The following ATF6 variants were observed in gnomAD, a reference collection of about 807,000 sequenced individuals.
ATF6 encodes the protein activating transcription factor 6.
Under a neutral mutation model 83.6 loss-of-function variants are expected in ATF6, and 53 were observed. That is an observed-to-expected ratio of 0.63 (90% CI 0.51 to 0.80). ATF6 has a LOEUF of 0.80. ATF6 is among the 30% of genes least tolerant of loss of function. ATF6 has a pLI of 0.00. For missense variants in ATF6, 744 were observed against 797.9 expected, an observed-to-expected ratio of 0.93 and a Z score of 0.81; for synonymous variants, 288 against 285.8, an observed-to-expected ratio of 1.01 and a Z score of -0.08.
At chr1:161,924,191 A>G (rs910346002) in intron 15 of ATF6, among the ~76,000 whole-genome samples, 1 of 152,136 alleles carries the variant, frequency 6.6e-6, no homozygotes, top group South Asian at 2.1e-4. Flanking sequence ...AACTGGAAAC[A>G]TTGGGGATCA....
chr1:161,769,940 C>G (rs1004547999), intron 1 of ATF6, among the ~76,000 whole-genome samples: 5 of 152,128 alleles, frequency 3.3e-5, no homozygotes, highest in African/African-American at 4.8e-5. Flanking sequence ...TGCTGTGTGG[C>G]CTGGTTCCCA....
In ATF6 at chr1:161,792,238, C is replaced by A. The variant is rs572255096; in HGVS notation, c.599C>A (p.Ala200Glu). Residue 200 changes from alanine to glutamate, a missense_variant, in exon 6 of 16, where the codon GCA becomes GAA. Coordinates refer to ENST00000367942, the MANE Select transcript of ATF6 (RefSeq NM_007348.4). ...ACTCAAACAAACTCCAGTGTTCCAG[C>A]AAAAACCATCATTATTCAGACAGTA... ...PKTQTNSSVP[A>E]KTIIIQTVPT... 6.2e-7 allele frequency: 1 copy of A among 1,614,130 alleles called. No individual in the cohort carries two copies. The highest frequency in any genetic ancestry group is 1.1e-5 in the South Asian group (1 of 91,078).
chr1:161,820,282 C>G (rs1267721919), intron 8 of ATF6, among the ~76,000 whole-genome samples: 1 of 152,206 alleles, frequency 6.6e-6, no homozygotes, highest in Non-Finnish European at 1.5e-5. Flanking sequence ...GAATTTCTCA[C>G]TGCAGTGCTG....
intron 12 of ATF6, among the ~76,000 whole-genome samples, chr1:161,853,844 G>A (rs1029012414): frequency 2.6e-5 from 4 of 152,102 alleles, no homozygotes; most frequent in Non-Finnish European, 4.4e-5. Context: ...AAGTCATTCC[G>A]TCATTCATCA....
At chr1:161,825,112 G>T (rs1685861081) in intron 9 of ATF6, among the ~76,000 whole-genome samples, 1 of 152,032 alleles carries the variant, frequency 6.6e-6, no homozygotes. Flanking sequence ...GTCTTGCTCT[G>T]TTGCCCAGGC....
intron 6 of ATF6, among the ~76,000 whole-genome samples, chr1:161,800,415 A>G (rs185252056): frequency 1.3e-5 from 2 of 152,346 alleles, no homozygotes; most frequent in Admixed American, 6.5e-5. Flanking sequence ...AGTTGTCACT[A>G]TCTCCTGTGG....
intron 9 of ATF6, 150 bp from the exon 10 acceptor site, chr1:161,846,299 G>A (rs1686484321): frequency 1.3e-6 from 1 of 752,414 alleles, no homozygotes; most frequent in Non-Finnish European, 2.0e-6. Context: ...AACACCTTCA[G>A]TACCCTATTT....
chr1:161,818,832 G>A (rs1471683604), intron 7 of ATF6, among the ~76,000 whole-genome samples: 2 of 152,180 alleles, frequency 1.3e-5, no homozygotes, highest in East Asian at 3.8e-4. Context: ...AAGATGGGTA[G>A]CAGGGATACA....
chr1:161,784,744 A>G (rs555385530), intron 4 of ATF6, among the ~76,000 whole-genome samples: 1 of 152,308 alleles, frequency 6.6e-6, no homozygotes, highest in Admixed American at 6.5e-5. Context: ...TGCAGGCTCT[A>G]CATTTAGTTA....
At chr1:161,844,774 C>T (rs1686442816) in intron 9 of ATF6, among the ~76,000 whole-genome samples, 1 of 152,190 alleles carries the variant, frequency 6.6e-6, no homozygotes, top group Middle Eastern at 3.4e-3. Flanking sequence ...TAGTTGTCAT[C>T]ACACTCTTCA....
intron 15 of ATF6, among the ~76,000 whole-genome samples, chr1:161,932,753 A>G (rs979152975): frequency 6.6e-6 from 1 of 152,202 alleles, no homozygotes; most frequent in African/African-American, 2.4e-5. Context: ...TAGGTCTCTC[A>G]TGAGGTTTAA....
chr1:161,776,134 A>G (rs1453651296), intron 1 of ATF6, among the ~76,000 whole-genome samples: 1 of 152,194 alleles, frequency 6.6e-6, no homozygotes, highest in African/African-American at 2.4e-5. Flanking sequence ...CAATTATTTT[A>G]GTAAAAGGCA....
At chr1:161,952,270 G>A (rs1158304448) in intron 15 of ATF6, among the ~76,000 whole-genome samples, 1 of 151,972 alleles carries the variant, frequency 6.6e-6, no homozygotes, top group Admixed American at 6.6e-5. Context: ...CTGCTTGCCA[G>A]TCCTCTCCAC....
intron 14 of ATF6, among the ~76,000 whole-genome samples, chr1:161,877,974 A>T (rs1054728010): frequency 6.6e-6 from 1 of 152,094 alleles, no homozygotes; most frequent in Non-Finnish European, 1.5e-5. Context: ...ATAAATGTGG[A>T]GAGTTATTTT....
At chr1:161,820,688 C>T (rs553546313) in intron 8 of ATF6, among the ~76,000 whole-genome samples, 2 of 152,012 alleles carry the variant, frequency 1.3e-5, no homozygotes, top group African/African-American at 4.8e-5. Flanking sequence ...GCGGAGATTG[C>T]GGTGATCCGA....
chr1:161,915,427 T>C (rs967331988), intron 15 of ATF6, among the ~76,000 whole-genome samples: 1 of 152,230 alleles, frequency 6.6e-6, no homozygotes. Context: ...TGGGGTTAGC[T>C]GCTGTTTTAC....
chr1:161,861,622 G>C (rs1435997045), intron 13 of ATF6, among the ~76,000 whole-genome samples: 1 of 152,034 alleles, frequency 6.6e-6, no homozygotes, highest in Non-Finnish European at 1.5e-5. Flanking sequence ...ATTATTTGTG[G>C]ATTCCATATT....
At chr1:161,770,293 C>T (rs1344395816) in intron 1 of ATF6, among the ~76,000 whole-genome samples, 1 of 152,156 alleles carries the variant, frequency 6.6e-6, no homozygotes, top group African/African-American at 2.4e-5. Flanking sequence ...TACAAAAATA[C>T]TATTTACAGT....
At chr1:161,867,997 A>G (rs1351100230) in intron 14 of ATF6, among the ~76,000 whole-genome samples, 1 of 152,216 alleles carries the variant, frequency 6.6e-6, no homozygotes. Flanking sequence ...GACTTATTGT[A>G]AGTTATGTGA....
Sources: gnomAD v4.1 joint callset for allele counts (sites outside exome capture counted in the v4.1 genomes callset) on GRCh38, gnomAD v4.1.1 for gene constraint, MANE v1.5 for transcripts, NCBI Gene and HGNC (gene_info 2026-07-23, HGNC 2026-07-21) for gene names.